KLF15: variants seen among roughly 807,000 people sequenced by gnomAD.
The protein encoded by KLF15 is Krueppel-like factor 15.
A neutral mutation model predicts 24.6 loss-of-function variants in KLF15; 4 were observed. The ratio of observed to expected loss-of-function variants is 0.16; its 90% CI spans 0.08 to 0.37. The LOEUF (loss-of-function observed/expected upper bound fraction) is 0.37. Ranked by LOEUF, KLF15 falls within the 10% of genes least tolerant of loss-of-function variation. The pLI is 1.00. For missense variants in KLF15, 496 were observed against 560.6 expected, an observed-to-expected ratio of 0.88 and a Z score of 1.16; for synonymous variants, 246 against 236.3, an observed-to-expected ratio of 1.04 and a Z score of -0.37.
At chr3:126,357,078 C>T (rs2082639638) in intron 1 of KLF15, among the ~76,000 whole-genome samples, 159 bp downstream of exon 1, 3 of 151,644 alleles carry the variant, frequency 2.0e-5, no homozygotes, top group Admixed American at 6.6e-5. Flanking sequence ...TGCCCACCTC[C>T]GCGGGGGCCC....
chr3:126,352,388 T>C lies in KLF15; in HGVS notation c.535A>G (p.Lys179Glu). 1.2e-6 allele frequency: 2 copies of C among 1,612,702 alleles called. No homozygotes were observed. Among genetic ancestry groups the C allele is most frequent in the Non-Finnish European group, 1.7e-6 (2 of 1,179,560 alleles). Residue 179 changes from lysine (K) to glutamate (E), a missense_variant, in exon 2 of 3, where the codon AAG becomes GAG. Coordinates refer to ENST00000296233, the MANE Select transcript of KLF15 (RefSeq NM_014079.4). Reference sequence around the variant, plus strand: ...CTGGACCCAGGATGGAGGTGGCTCTTGTGTGGCCCAGCTGAGAGCTGGCTG... The same window carrying C: ...CTGGACCCAGGATGGAGGTGGCTCTCGTGTGGCCCAGCTGAGAGCTGGCTG... ...ACSQLSAGPH[K>E]SHLHPGSSGR...
chr3:126,316,603 A>AAGGGAGTGCACAGGCCAGAGGGGGGC, the KLF15 span, among the ~76,000 whole-genome samples: 2 of 142,400 alleles, frequency 1.4e-5, no homozygotes, highest in African/African-American at 2.7e-5. Context: ...GGGAGTGGGG[A>AAGGGAGTGCACAGGCCAGAGGGGGGC]AGGGAGTGCA....
At chr3:126,335,634 G>A in the KLF15 span, among the ~76,000 whole-genome samples, 10 of 144,568 alleles carry the variant, frequency 6.9e-5, no homozygotes, top group African/African-American at 2.6e-4. Context: ...AAGTCAAATT[G>A]TCCCTGTTTG....
chr3:126,336,212 G>A, the KLF15 span, among the ~76,000 whole-genome samples: 42 of 116,738 alleles, frequency 3.6e-4, no homozygotes, highest in Non-Finnish European at 5.3e-4. Flanking sequence ...GCATGGTACT[G>A]GTACCAAAAC....
downstream of KLF15, among the ~76,000 whole-genome samples, chr3:126,342,334 G>A (rs144137065): frequency 3.5e-4 from 54 of 152,288 alleles, no homozygotes; most frequent in African/African-American, 1.2e-3. Flanking sequence ...GGTGAGCCTC[G>A]CAGGACTGGC....
At chr3:126,323,251 T>TTC in the KLF15 span, among the ~76,000 whole-genome samples, 7 of 149,100 alleles carry the variant, frequency 4.7e-5, no homozygotes, top group Admixed American at 2.7e-4. Context: ...CACCCCATGG[T>TTC]TCTCTCTCTC....
intron 2 of KLF15, among the ~76,000 whole-genome samples, chr3:126,350,870 C>T (rs113204355): frequency 1.1e-4 from 16 of 152,238 alleles, no homozygotes; most frequent in African/African-American, 3.6e-4. Flanking sequence ...GTCTCACACA[C>T]GTAGCAGCAG....
At chr3:126,332,087 C>T in the KLF15 span, among the ~76,000 whole-genome samples, 3 of 152,166 alleles carry the variant, frequency 2.0e-5, no homozygotes, top group Non-Finnish European at 1.5e-5. Context: ...AGGAGGCCTG[C>T]CTGTCTCTGT....
At chr3:126,311,577 C>T in the KLF15 span, among the ~76,000 whole-genome samples, 1 of 152,332 alleles carries the variant, frequency 6.6e-6, no homozygotes, top group African/African-American at 2.4e-5. Flanking sequence ...GAATTCCTCC[C>T]AGTTCCTCTG....
the KLF15 span, among the ~76,000 whole-genome samples, chr3:126,301,677 C>T: frequency 6.7e-6 from 1 of 149,010 alleles, no homozygotes; most frequent in Non-Finnish European, 1.5e-5. Flanking sequence ...TGCAATGGCG[C>T]CTTCTCAGTT....
chr3:126,296,747 A>C, the KLF15 span, among the ~76,000 whole-genome samples: 1 of 152,234 alleles, frequency 6.6e-6, no homozygotes, highest in East Asian at 1.9e-4. Flanking sequence ...AGGGAATACA[A>C]ATTAATTCAT....
the KLF15 span, among the ~76,000 whole-genome samples, chr3:126,310,680 G>T: frequency 1.4e-4 from 21 of 152,090 alleles, no homozygotes; most frequent in Non-Finnish European, 2.6e-4. Context: ...TCCTCACATG[G>T]TCTTCCATCT....
chr3:126,329,315 C>T, the KLF15 span, among the ~76,000 whole-genome samples: 1 of 152,102 alleles, frequency 6.6e-6, no homozygotes, highest in African/African-American at 2.4e-5. Context: ...TATAACACCA[C>T]ATTAAAAAAA....
downstream of KLF15, among the ~76,000 whole-genome samples, chr3:126,337,914 G>T (rs1427605851): frequency 6.6e-6 from 1 of 152,176 alleles, no homozygotes; most frequent in Non-Finnish European, 1.5e-5. Flanking sequence ...GCGGGAGAAG[G>T]TGCAAAAAGC....
chr3:126,303,274 A>G, the KLF15 span, among the ~76,000 whole-genome samples: 1 of 151,620 alleles, frequency 6.6e-6, no homozygotes, highest in East Asian at 1.9e-4. Context: ...TCATATTTTC[A>G]TCTAGTATAA....
the KLF15 span, among the ~76,000 whole-genome samples, chr3:126,299,056 C>T: frequency 6.6e-6 from 1 of 152,084 alleles, no homozygotes; most frequent in Non-Finnish European, 1.5e-5. Flanking sequence ...TTGCTTTTGG[C>T]ATTATAGTCA....
the KLF15 span, among the ~76,000 whole-genome samples, chr3:126,330,803 G>A: frequency 4.6e-5 from 7 of 152,186 alleles, no homozygotes; most frequent in Admixed American, 3.3e-4. Context: ...ATGATGTGAC[G>A]ATGTTAGGAA....
intron 1 of KLF15, among the ~76,000 whole-genome samples, chr3:126,357,027 CG>C (rs537927792): frequency 8.9e-4 from 135 of 150,870 alleles, no homozygotes; most frequent in African/African-American, 3.1e-3. Context: ...GGTGGGCGAC[CG>C]GGGCGGGGGG....
At chr3:126,301,303 T>A in the KLF15 span, among the ~76,000 whole-genome samples, 1 of 152,142 alleles carries the variant, frequency 6.6e-6, no homozygotes, top group East Asian at 1.9e-4. Context: ...AGGAGTGAAG[T>A]CCAGGAATTC....
Sources: gnomAD v4.1 joint callset for allele counts (sites outside exome capture counted in the v4.1 genomes callset) on GRCh38, gnomAD v4.1.1 for gene constraint, MANE v1.5 for transcripts, NCBI Gene and HGNC (gene_info 2026-07-23, HGNC 2026-07-21) for gene names.